The following ANO2 variants were observed in gnomAD, a reference collection of about 807,000 sequenced individuals.
The protein encoded by ANO2 is anoctamin 2.
ANO2 carries 101 observed loss-of-function variants against 124.2 expected under a neutral mutation model. The ratio of observed to expected loss-of-function variants is 0.81; its 90% CI spans 0.69 to 0.96. ANO2 has a LOEUF of 0.96. ANO2 is among the 40% of genes least tolerant of loss of function. The pLI is 0.00. For missense variants in ANO2, 1,293 were observed against 1,274.5 expected (o/e 1.01, Z -0.22); for synonymous variants, 486 against 482.5 (o/e 1.01, Z -0.09).
At chr12:5,865,382 C>T (rs1955390715) in intron 3 of ANO2, among the ~76,000 whole-genome samples, 1 of 150,656 alleles carries the variant, frequency 6.6e-6, no homozygotes, top group African/African-American at 2.5e-5. Context: ...AACCATCATG[C>T]CATCACATCA....
At chr12:5,647,144 C>T (rs1466976484) in intron 15 of ANO2, among the ~76,000 whole-genome samples, 1 of 152,242 alleles carries the variant, frequency 6.6e-6, no homozygotes, top group East Asian at 1.9e-4. Flanking sequence ...GGTCCTCTAG[C>T]TTCAGATACT....
chr12:5,866,612 G>A (rs952076816), intron 3 of ANO2, among the ~76,000 whole-genome samples: 4 of 152,244 alleles, frequency 2.6e-5, no homozygotes. Context: ...ACATGCCGTT[G>A]TGAGCGGCAT....
At chr12:5,800,272 G>A (rs1356695892) in intron 9 of ANO2, among the ~76,000 whole-genome samples, 1 of 152,192 alleles carries the variant, frequency 6.6e-6, no homozygotes, top group Non-Finnish European at 1.5e-5. Flanking sequence ...GGGAGAACGT[G>A]GGAGACAAAG....
chr12:5,786,975 C>CA (rs1237352979), intron 10 of ANO2, among the ~76,000 whole-genome samples: 4 of 152,306 alleles, frequency 2.6e-5, no homozygotes, highest in Non-Finnish European at 5.9e-5. Flanking sequence ...CACATTCCCA[C>CA]TAACACAGCC....
At position 5,832,396 on chromosome 12, in the gene ANO2, T is replaced by C. The variant is rs1179591926; in HGVS notation, c.785+56A>G. On this transcript the variant is annotated intron_variant, in intron 5 of 24. Transcript: ENST00000682330. ...CCAGGGCTGAGTCATAGAACAGTAT[T>C]CAATTTTCCTTCCTATCCCTTCCCA... 1.9e-6 allele frequency: 3 copies of C among 1,601,902 alleles called. No individual in the cohort carries two copies. The East Asian group carries it at 6.7e-5, about 36-fold the overall frequency.
intron 15 of ANO2, among the ~76,000 whole-genome samples, chr12:5,641,926 T>C (rs767398161): frequency 6.6e-6 from 1 of 152,220 alleles, no homozygotes; most frequent in Non-Finnish European, 1.5e-5. Context: ...TTTGGCAAGA[T>C]GACCCACCAT....
intron 11 of ANO2, among the ~76,000 whole-genome samples, chr12:5,744,787 G>A (rs3782643): frequency 6.6e-6 from 1 of 152,014 alleles, no homozygotes; most frequent in Non-Finnish European, 1.5e-5. Context: ...AAACAAACAC[G>A]AGTGTGTGGC....
intron 19 of ANO2, among the ~76,000 whole-genome samples, chr12:5,608,059 G>A (rs1239811704): frequency 6.6e-6 from 1 of 151,954 alleles, no homozygotes; most frequent in African/African-American, 2.4e-5. Context: ...ACTGTGTTAG[G>A]CCACCAAATC....
At chr12:5,584,953 C>G (rs1488009184) in intron 20 of ANO2, among the ~76,000 whole-genome samples, 1 of 152,038 alleles carries the variant, frequency 6.6e-6, no homozygotes, top group African/African-American at 2.4e-5. Context: ...TTGCTAAATA[C>G]GAAGATGAGC....
intron 14 of ANO2, among the ~76,000 whole-genome samples, chr12:5,661,027 A>G (rs569831334): frequency 4.9e-4 from 75 of 152,344 alleles, no homozygotes; most frequent in African/African-American, 1.8e-3. Context: ...TGCGTGGCCC[A>G]CAGACCTGAA....
intron 16 of ANO2, among the ~76,000 whole-genome samples, chr12:5,618,969 C>G (rs1387001977): frequency 6.6e-6 from 1 of 152,250 alleles, no homozygotes; most frequent in Admixed American, 6.5e-5. Context: ...CCTTAATTCA[C>G]TGCCAATCCT....
At chr12:5,620,189 A>C (rs1945036885) in intron 16 of ANO2, among the ~76,000 whole-genome samples, 1 of 152,240 alleles carries the variant, frequency 6.6e-6, no homozygotes, top group South Asian at 2.1e-4. Flanking sequence ...AGTTCTAAGA[A>C]AGACCTGCAG....
intron 14 of ANO2, among the ~76,000 whole-genome samples, chr12:5,660,865 T>C (rs1947402112): frequency 6.6e-6 from 1 of 152,180 alleles, no homozygotes; most frequent in Non-Finnish European, 1.5e-5. Flanking sequence ...TGGTCAAATC[T>C]AGTTTTGCAT....
chr12:5,767,129 C>T (rs1329979784), intron 10 of ANO2, among the ~76,000 whole-genome samples: 2 of 152,242 alleles, frequency 1.3e-5, no homozygotes, highest in African/African-American at 2.4e-5. Flanking sequence ...AAGCTGACCA[C>T]TGGCCCTGCC....
At chr12:5,835,411 G>A (rs910760292) in intron 4 of ANO2, among the ~76,000 whole-genome samples, 2 of 152,166 alleles carry the variant, frequency 1.3e-5, no homozygotes, top group Non-Finnish European at 2.9e-5. Context: ...CCAGAGCTGT[G>A]AATTAAGAAG....
At chr12:5,774,373 G>A (rs971736117) in intron 10 of ANO2, among the ~76,000 whole-genome samples, 3 of 152,166 alleles carry the variant, frequency 2.0e-5, no homozygotes, top group Non-Finnish European at 4.4e-5. Context: ...GGCTGAGGTG[G>A]GAGGATGCCT....
intron 4 of ANO2, among the ~76,000 whole-genome samples, chr12:5,844,845 GTT>G (rs1954630080): frequency 1.3e-5 from 2 of 150,698 alleles, no homozygotes; most frequent in Admixed American, 6.6e-5. Context: ...TTGTGTGTTT[GTT>G]TGTTTGTTTG....
intron 4 of ANO2, among the ~76,000 whole-genome samples, chr12:5,838,011 T>TA (rs1304255564): frequency 2.6e-5 from 4 of 151,640 alleles, no homozygotes; most frequent in African/African-American, 9.7e-5. Context: ...ATAGACGCAA[T>TA]AAAAAATGAT....
intron 1 of ANO2, among the ~76,000 whole-genome samples, chr12:5,942,570 G>A (rs1033092858): frequency 3.3e-5 from 5 of 152,200 alleles, no homozygotes; most frequent in East Asian, 1.9e-4. Context: ...CACACAACCT[G>A]GCTGGCTCTT....
Sources: allele counts gnomAD v4.1 joint callset (sites outside exome capture counted in the v4.1 genomes callset), GRCh38; gene constraint gnomAD v4.1.1; transcripts MANE v1.5; gene names NCBI Gene and HGNC (gene_info 2026-07-23, HGNC 2026-07-21).